KCNH5: variants seen among roughly 807,000 people sequenced by gnomAD.
The protein encoded by KCNH5 is potassium voltage-gated channel subfamily H member 5.
Under a neutral mutation model 96.1 loss-of-function variants are expected in KCNH5, and 46 were observed. That is an observed-to-expected ratio of 0.48 (90% CI 0.38 to 0.61). The LOEUF (loss-of-function observed/expected upper bound fraction) is 0.61. Ranked by LOEUF, KCNH5 falls within the 20% of genes least tolerant of loss-of-function variation. KCNH5 has a pLI of 0.00. For synonymous variants in KCNH5, 439 were observed against 449.8 expected, an observed-to-expected ratio of 0.98 and a Z score of 0.30; for missense variants, 907 against 1,225.8, an observed-to-expected ratio of 0.74 and a Z score of 3.88.
intron 4 of KCNH5, among the ~76,000 whole-genome samples, chr14:62,998,740 T>C (rs540603104): frequency 6.6e-6 from 1 of 152,326 alleles, no homozygotes; most frequent in Admixed American, 6.5e-5. Flanking sequence ...CATTTCCAAA[T>C]ATTTCAGGAT....
chr14:62,892,357 G>A (rs1039339992), intron 7 of KCNH5, among the ~76,000 whole-genome samples: 2 of 152,202 alleles, frequency 1.3e-5, no homozygotes, highest in Non-Finnish European at 1.5e-5. Flanking sequence ...CTCCCCAATT[G>A]TATGAAGGCT....
chr14:62,918,784 C>T (rs1889324615), intron 7 of KCNH5, among the ~76,000 whole-genome samples: 1 of 152,078 alleles, frequency 6.6e-6, no homozygotes, highest in African/African-American at 2.4e-5. Context: ...TAAGTCATTA[C>T]AGTCTTTCAG....
intron 6 of KCNH5, among the ~76,000 whole-genome samples, chr14:62,957,098 G>T (rs1890118506): frequency 6.6e-6 from 1 of 152,256 alleles, no homozygotes; most frequent in East Asian, 1.9e-4. Flanking sequence ...CACCTTTCTA[G>T]CCAATTTCCT....
At chr14:63,003,621 TATA>T (rs1243622113) in intron 3 of KCNH5, among the ~76,000 whole-genome samples, 17 of 115,602 alleles carry the variant, frequency 1.5e-4, no homozygotes, top group African/African-American at 3.0e-4. Flanking sequence ...TATATATATA[TATA>T]TTTTTTTTTT....
chr14:62,899,149 T>C (rs1046527819), intron 7 of KCNH5, among the ~76,000 whole-genome samples: 4 of 152,130 alleles, frequency 2.6e-5, no homozygotes, highest in Non-Finnish European at 5.9e-5. Context: ...TCAGGAATGT[T>C]AACAAAAAGC....
intron 10 of KCNH5, among the ~76,000 whole-genome samples, chr14:62,751,461 G>T (rs2139945248): frequency 6.6e-6 from 1 of 152,296 alleles, no homozygotes; most frequent in African/African-American, 2.4e-5. Flanking sequence ...AAGATCTCAG[G>T]CCCCATCACT....
intron 5 of KCNH5, among the ~76,000 whole-genome samples, chr14:62,983,838 G>C (rs1890656167): frequency 6.6e-6 from 1 of 152,082 alleles, no homozygotes; most frequent in Admixed American, 6.5e-5. Flanking sequence ...ACAGCCCAAG[G>C]TAAGATATCT....
intron 2 of KCNH5, among the ~76,000 whole-genome samples, chr14:63,013,752 T>C (rs1407662804): frequency 6.6e-6 from 1 of 152,116 alleles, no homozygotes; most frequent in East Asian, 1.9e-4. Context: ...TTAGGCTTTT[T>C]TTTACTTGAT....
intron 2 of KCNH5, among the ~76,000 whole-genome samples, chr14:63,007,395 GA>G (rs1891146872): frequency 6.6e-6 from 1 of 152,148 alleles, no homozygotes. Flanking sequence ...GTTACATTCT[GA>G]AAAGCCAAAG....
At chr14:62,973,966 T>G (rs1010849898) in intron 6 of KCNH5, among the ~76,000 whole-genome samples, 5 of 152,162 alleles carry the variant, frequency 3.3e-5, no homozygotes, top group African/African-American at 1.2e-4. Flanking sequence ...CTGTTCTTGT[T>G]TTAATGACTA....
chr14:62,779,551 G>T (rs1886164903), intron 10 of KCNH5, among the ~76,000 whole-genome samples, 177 bp downstream of exon 10: 1 of 151,966 alleles, frequency 6.6e-6, no homozygotes, highest in Admixed American at 6.6e-5. Context: ...TAGAAATAGG[G>T]TTTTTTTCCT....
At chr14:62,985,390 C>T (rs990092722) in intron 5 of KCNH5, among the ~76,000 whole-genome samples, 1 of 152,102 alleles carries the variant, frequency 6.6e-6, no homozygotes, top group Non-Finnish European at 1.5e-5. Context: ...TTCCTAATCC[C>T]CTCCAAACCA....
chr14:63,011,589 T>C (rs1465737847), intron 2 of KCNH5, among the ~76,000 whole-genome samples: 2 of 152,196 alleles, frequency 1.3e-5, no homozygotes, highest in Non-Finnish European at 2.9e-5. Flanking sequence ...TCACAACCCA[T>C]TGATTTACAT....
chr14:62,907,604 T>G (rs559551720), intron 7 of KCNH5, among the ~76,000 whole-genome samples: 1 of 152,304 alleles, frequency 6.6e-6, no homozygotes, highest in East Asian at 1.9e-4. Flanking sequence ...CACAAATGAC[T>G]GCAGGGTCTG....
Position 62,737,880 on chromosome 14 carries a change from C to T in KCNH5, c.2020-29425G>A, listed in dbSNP as rs139863727. On this transcript the variant is annotated intron_variant, in intron 10 of 10. Coordinates refer to ENST00000322893, the MANE Select transcript of KCNH5 (RefSeq NM_139318.5). Reference sequence around the variant, plus strand: ...ACAAAATAGAGTAGTCTCTCCTTATCCACTGGGGACAATTCCAAGGCCCCC... The same window carrying T: ...ACAAAATAGAGTAGTCTCTCCTTATTCACTGGGGACAATTCCAAGGCCCCC... 2.8e-3 allele frequency among the ~76,000 whole-genome samples: 428 copies of T among 152,194 alleles called. 2 individuals carry two copies. The highest frequency in any genetic ancestry group is 0.015 in the South Asian group (74 of 4,818).
intron 7 of KCNH5, among the ~76,000 whole-genome samples, chr14:62,870,339 T>A (rs1176303109): frequency 6.6e-6 from 1 of 152,200 alleles, no homozygotes; most frequent in Non-Finnish European, 1.5e-5. Flanking sequence ...AAAATGGATA[T>A]TTTACCTGCT....
At chr14:62,752,287 C>T (rs1361651033) in intron 10 of KCNH5, among the ~76,000 whole-genome samples, 3 of 151,980 alleles carry the variant, frequency 2.0e-5, no homozygotes, top group African/African-American at 7.3e-5. Flanking sequence ...CATGCAGATC[C>T]TGCCAAGGAA....
chr14:62,886,875 C>A (rs1379623075), intron 7 of KCNH5, among the ~76,000 whole-genome samples: 1 of 151,982 alleles, frequency 6.6e-6, no homozygotes, highest in Non-Finnish European at 1.5e-5. Context: ...TAGATGATAT[C>A]ATTTAATAAT....
chr14:62,799,726 T>TATATAC (rs1213484157), intron 9 of KCNH5, among the ~76,000 whole-genome samples: 1,268 of 68,356 alleles, frequency 0.019, 17 homozygotes, highest in South Asian at 0.048. Flanking sequence ...TATATATATA[T>TATATAC]ACACACACAC....
Sources: gnomAD v4.1 joint callset for allele counts (sites outside exome capture counted in the v4.1 genomes callset) on GRCh38, gnomAD v4.1.1 for gene constraint, MANE v1.5 for transcripts, NCBI Gene and HGNC (gene_info 2026-07-23, HGNC 2026-07-21) for gene names.